Variants in RBFOX1 observed in about 807,000 individuals in gnomAD.
The protein encoded by RBFOX1 is RNA binding protein fox-1 homolog 1.
Under a neutral mutation model 57.7 loss-of-function variants are expected in RBFOX1, and 8 were observed. That is an observed-to-expected ratio of 0.14 (90% confidence interval 0.08 to 0.25). The LOEUF is 0.25. RBFOX1 is among the 10% of genes least tolerant of loss of function. The probability of loss-of-function intolerance (pLI) is 1.00; values close to 1 mark genes in which losing one functional copy is unlikely to be tolerated. For synonymous variants in RBFOX1, 326 were observed against 222.4 expected (o/e 1.47, Z -4.15); for missense variants, 611 against 548.5 (o/e 1.11, Z -1.14).
chr16:5,583,445 C>G (rs987129409), intron 2 of RBFOX1, among the ~76,000 whole-genome samples: 1 of 152,190 alleles, frequency 6.6e-6, no homozygotes, highest in Admixed American at 6.5e-5. Context: ...AAGTCAAACG[C>G]CGAGCTCTAA....
At position 6,097,743 on chromosome 16, in the gene RBFOX1, T is replaced by C. The variant is rs761025142; in HGVS notation, c.-127+77751T>C. ...TCCTGTGCTATACTGCCTCTGTGTC[T>C]TTGGTCTGTGTTCTCTTCTTTTTTT... On this transcript the variant is annotated intron_variant, in intron 1 of 15. Coordinates refer to ENST00000550418, the MANE Select transcript of RBFOX1 (RefSeq NM_018723.4). This position sits in a 1 kb window ranked among gnomAD's most constrained non-coding sequence, Gnocchi z 5.0. Among the ~76,000 whole-genome samples the C allele has an allele frequency of 6.6e-6, 1 of 152,040 alleles. No homozygotes were observed. Among genetic ancestry groups the C allele is most frequent in the Non-Finnish European group, 1.5e-5 (1 of 67,998 alleles).
At chr16:6,613,397 C>T (rs918661360) in intron 2 of RBFOX1, among the ~76,000 whole-genome samples, 1 of 151,980 alleles carries the variant, frequency 6.6e-6, no homozygotes, top group African/African-American at 2.4e-5. Flanking sequence ...TAGGACAAAG[C>T]GGGGGAATGA....
chr16:6,526,215 G>A (rs2096575307), intron 2 of RBFOX1, among the ~76,000 whole-genome samples: 1 of 152,168 alleles, frequency 6.6e-6, no homozygotes, highest in Non-Finnish European at 1.5e-5. Context: ...GTTTAAAAAA[G>A]AGGGGGCTCA....
rs1180719180 is a variant in RBFOX1 at position 7,157,464 on chromosome 16, C to G, written c.27+105366C>G. Among the ~76,000 whole-genome samples the G allele has an allele frequency of 4.6e-5, 7 of 152,148 alleles. No homozygotes were observed. In the East Asian group the frequency reaches 1.3e-3, roughly 29 times the overall value. ...GAAATGTTATGGCAGCAGATAGGTG[C>G]AATTCTGCCCTGGAATTTGGCACTC... On this transcript the variant is annotated intron_variant, in intron 4 of 15. Coordinates refer to ENST00000550418, the MANE Select transcript of RBFOX1 (RefSeq NM_018723.4).
At chr16:7,467,985 A>G (rs958704665) in intron 4 of RBFOX1, among the ~76,000 whole-genome samples, 5 of 152,250 alleles carry the variant, frequency 3.3e-5, no homozygotes, top group African/African-American at 7.2e-5. Context: ...GCTGAATCCA[A>G]TACATTCACT....
intron 1 of RBFOX1, among the ~76,000 whole-genome samples, chr16:5,282,218 C>T (rs1019940169): frequency 2.0e-5 from 3 of 152,216 alleles, no homozygotes; most frequent in African/African-American, 7.2e-5. Context: ...CTCTCCTTGA[C>T]TTCCGCAATG....
chr16:6,752,252 C>G (rs961850655), intron 3 of RBFOX1, among the ~76,000 whole-genome samples: 1 of 152,116 alleles, frequency 6.6e-6, no homozygotes, highest in Non-Finnish European at 1.5e-5. Flanking sequence ...ATTGATTTGT[C>G]ATTTATAACA....
chr16:7,002,874 G>C (rs535693431), intron 3 of RBFOX1, among the ~76,000 whole-genome samples: 1 of 152,164 alleles, frequency 6.6e-6, no homozygotes, highest in Non-Finnish European at 1.5e-5. Context: ...GATACACTCA[G>C]CGTGTTAAGA....
chr16:7,076,523 C>T (rs1312749340), intron 4 of RBFOX1, among the ~76,000 whole-genome samples: 1 of 152,068 alleles, frequency 6.6e-6, no homozygotes, highest in Non-Finnish European at 1.5e-5. Flanking sequence ...AAAATAATGC[C>T]ATATCCCTTC....
intron 4 of RBFOX1, among the ~76,000 whole-genome samples, chr16:7,145,819 A>T (rs1286265711): frequency 6.6e-6 from 1 of 152,144 alleles, no homozygotes; most frequent in Non-Finnish European, 1.5e-5. Context: ...TCCCGCACAC[A>T]CACTACTTCT....
At chr16:6,948,875 T>C (rs1260008526) in intron 3 of RBFOX1, among the ~76,000 whole-genome samples, 1 of 152,134 alleles carries the variant, frequency 6.6e-6, no homozygotes, top group Non-Finnish European at 1.5e-5. Context: ...CCGATTACAG[T>C]GACCAGAGGG....
At chr16:7,117,800 C>G (rs375759189) in intron 4 of RBFOX1, among the ~76,000 whole-genome samples, 4 of 152,170 alleles carry the variant, frequency 2.6e-5, no homozygotes, top group African/African-American at 9.6e-5. Context: ...ACTGGGTTCT[C>G]ATTAGAGACT....
At chr16:7,597,454 C>T in intron 9 of RBFOX1, 23 bp downstream of exon 9, 1 of 1,556,518 alleles carries the variant, frequency 6.4e-7, no homozygotes, top group Non-Finnish European at 8.8e-7. Flanking sequence ...TGGCCTTTTA[C>T]AAGAAATTCT....
chr16:5,859,674 G>A (rs892523676), intron 3 of RBFOX1, among the ~76,000 whole-genome samples: 24 of 152,184 alleles, frequency 1.6e-4, no homozygotes, highest in African/African-American at 5.8e-4. Flanking sequence ...CAGCAACCAT[G>A]CCAGGCACCT....
chr16:7,112,255 T>G, intron 4 of RBFOX1, among the ~76,000 whole-genome samples: 1 of 152,040 alleles, frequency 6.6e-6, no homozygotes, highest in Admixed American at 6.6e-5. Flanking sequence ...CAGGCTGGAG[T>G]GCAGTGGTGC....
intron 3 of RBFOX1, among the ~76,000 whole-genome samples, chr16:6,972,756 A>T (rs1344243696): frequency 6.6e-6 from 1 of 152,100 alleles, no homozygotes; most frequent in East Asian, 1.9e-4. Flanking sequence ...GGGGAAACAC[A>T]AGGGAGGCTG....
intron 4 of RBFOX1, among the ~76,000 whole-genome samples, chr16:7,166,086 C>G (rs535638169): frequency 4.6e-5 from 7 of 152,086 alleles, no homozygotes; most frequent in Non-Finnish European, 7.4e-5. Context: ...TGATCTCAGC[C>G]CACTGTAACT....
chr16:6,805,871 C>G (rs1004708972), intron 3 of RBFOX1, among the ~76,000 whole-genome samples: 2 of 152,198 alleles, frequency 1.3e-5, no homozygotes, highest in African/African-American at 4.8e-5. Flanking sequence ...TTGGCTCTTT[C>G]CAACACGAAT....
intron 1 of RBFOX1, among the ~76,000 whole-genome samples, chr16:6,297,157 CGTTTTGGTAG>C (rs1567876954): frequency 1.3e-5 from 2 of 152,074 alleles, no homozygotes; most frequent in African/African-American, 4.8e-5. Flanking sequence ...TCGCCATCTT[CGTTTTGGTAG>C]GTTTTGGCCG....
Sources: gnomAD v4.1 joint callset for allele counts (sites outside exome capture counted in the v4.1 genomes callset) on GRCh38, gnomAD v4.1.1 for gene constraint, Gnocchi (gnomAD v3.1) non-coding constraint, MANE v1.5 for transcripts, NCBI Gene and HGNC (gene_info 2026-07-23, HGNC 2026-07-21) for gene names.